Variants in PTTG1 observed in about 807,000 individuals in gnomAD.
PTTG1 encodes the protein securin.
PTTG1 carries 8 observed loss-of-function variants against 20.0 expected under a neutral mutation model. The observed-to-expected ratio is 0.40, with a 90% CI of 0.23 to 0.72. The LOEUF (loss-of-function observed/expected upper bound fraction) is 0.72. PTTG1 is among the 30% of genes least tolerant of loss of function. The pLI is 0.38. For synonymous variants in PTTG1, 79 were observed against 87.2 expected (o/e 0.91, Z 0.52); for missense variants, 197 against 236.0 (o/e 0.83, Z 1.08).
In PTTG1 at chr5:160,422,909, A is replaced by G; in HGVS notation, c.276+16A>G. On this transcript the variant is annotated intron_variant, in intron 3 of 5. Coordinates refer to ENST00000352433, the MANE Select transcript of PTTG1 (RefSeq NM_004219.4). The stretch of plus-strand genomic sequence containing the variant: ...TGCCAAAAAGGTAAGTGTTGGCTAT[A>G]AAGACACTGTTTAAACACTTAAGCA... 4 of 1,613,002 alleles carry G rather than the reference A, an allele frequency of 2.5e-6. No individual in the cohort carries two copies. Among genetic ancestry groups the G allele is most frequent in the Non-Finnish European group, 3.4e-6 (4 of 1,179,162 alleles).
chr5:160,426,395 G>A (rs776871084), intron 4 of PTTG1, among the ~76,000 whole-genome samples: 4 of 152,134 alleles, frequency 2.6e-5, no homozygotes, highest in Middle Eastern at 3.2e-3. Flanking sequence ...ACACAGATAC[G>A]TTTTTAATAG....
At chr5:160,422,444 G>A in intron 2 of PTTG1, 41 bp downstream of exon 2, 1 of 1,547,344 alleles carries the variant, frequency 6.5e-7, no homozygotes, top group Non-Finnish European at 8.9e-7. Flanking sequence ...TGGTATTGTG[G>A]ACGTGGCCTG....
At chr5:160,428,559 C>G in intron 5 of PTTG1, 43 bp from the exon 6 acceptor site, 1 of 1,547,006 alleles carries the variant, frequency 6.5e-7, no homozygotes, top group Non-Finnish European at 8.9e-7. Flanking sequence ...GACAATGACT[C>G]AAGGATTTGC....
intron 2 of PTTG1, 21 bp from the exon 3 acceptor site, chr5:160,422,688 A>G (rs1363540278): frequency 6.2e-7 from 1 of 1,613,192 alleles, no homozygotes; most frequent in Non-Finnish European, 8.5e-7. Flanking sequence ...GAATATTCTT[A>G]TGGTAAGACT....
chr5:160,423,146 C>T (rs1253637496), intron 3 of PTTG1: 14 of 477,412 alleles, frequency 2.9e-5, no homozygotes, highest in African/African-American at 1.8e-4. Context: ...TCACTAGTGT[C>T]GTGAAACTGG....
intron 4 of PTTG1, among the ~76,000 whole-genome samples, chr5:160,425,421 T>C (rs750878384): frequency 4.6e-4 from 70 of 152,358 alleles, no homozygotes; most frequent in South Asian, 2.5e-3. Context: ...CACAATATCC[T>C]GTGTTACAGG....
intron 4 of PTTG1, 21 bp downstream of exon 4, chr5:160,424,351 G>A (rs1765771269): frequency 3.9e-6 from 6 of 1,525,324 alleles, no homozygotes; most frequent in South Asian, 1.1e-5. Context: ...TTGCAATTGC[G>A]AAAAGTGCTT....
At chr5:160,427,348 A>G (rs1032720135) in intron 4 of PTTG1, among the ~76,000 whole-genome samples, 51 of 152,258 alleles carry the variant, frequency 3.3e-4, no homozygotes, top group Admixed American at 1.3e-4. Flanking sequence ...ATTTTATCAC[A>G]CAGAACATTA....
chr5:160,422,821 CAG>C lies in PTTG1; in HGVS notation c.207_208del (p.Arg69SerfsTer26). On this transcript the variant is annotated frameshift_variant, in exon 3 of 6. Coordinates refer to ENST00000352433, the MANE Select transcript of PTTG1 (RefSeq NM_004219.4). LOFTEE classifies it high-confidence loss of function. ...ATRKALGTVN[R>X]ATEKSVKTKG... The stretch of plus-strand genomic sequence containing the variant: ...CTAGAAAGGCTTTGGGAACTGTCAA[CAG>C]AGCTACAGAAAAGTCTGTAAAGACC... 6.2e-7 allele frequency: 1 copy of C among 1,614,174 alleles called. No homozygotes were observed. Among genetic ancestry groups the C allele is most frequent in the Non-Finnish European group, 8.5e-7 (1 of 1,180,028 alleles).
Position 160,422,853 on chromosome 5 carries a change from G to GA in PTTG1, c.237dup (p.Pro80ThrfsTer16), listed in dbSNP as rs1765740913. The GA allele has an allele frequency of 6.2e-7, 1 of 1,613,998 alleles. No individual in the cohort carries two copies. Among genetic ancestry groups the GA allele is most frequent in the Admixed American group, 1.7e-5 (1 of 60,004 alleles). On this transcript the variant is annotated frameshift_variant, in exon 3 of 6. Transcript: ENST00000352433. LOFTEE classifies it high-confidence loss of function. ...ACAGAAAAGTCTGTAAAGACCAAGGGACCCCTCAAACAAAAACAGCCAAGC... is the reference window on the plus strand; with the variant it reads ...ACAGAAAAGTCTGTAAAGACCAAGGGAACCCCTCAAACAAAAACAGCCAAGC...
In PTTG1 at chr5:160,422,218, T is replaced by A. The variant is rs1208340761; in HGVS notation, c.-11-84T>A. ...TAGCTCTTGTTTTTTGTGTGGACAC[T>A]CCTAGGATAGAAAGTTTGGTATGTT... On this transcript the variant is annotated intron_variant, in intron 1 of 5. Coordinates refer to ENST00000352433, the MANE Select transcript of PTTG1 (RefSeq NM_004219.4). 6 of 975,366 alleles carry A rather than the reference T, an allele frequency of 6.2e-6. No individual in the cohort carries two copies. The African/African-American group carries it at 9.6e-5, about 16-fold the overall frequency. 60.4% of individuals were successfully genotyped at this position (975,366 alleles called of 1,614,324 possible).
In PTTG1 at chr5:160,422,865, A is replaced by C. The variant is rs755363440; in HGVS notation, c.248A>C (p.Gln83Pro). The C allele has an allele frequency of 3.7e-6, 6 of 1,614,192 alleles. No individual in the cohort carries two copies. The highest frequency in any genetic ancestry group is 5.1e-6 in the Non-Finnish European group (6 of 1,180,020). The change falls in exon 3 of 6, where the codon CAA (glutamine) becomes CCA (proline). Residue 83 changes from glutamine (Q) to proline (P), a missense_variant. Gln to Pro is a moderately conservative substitution (Grantham distance 76). Transcript: ENST00000352433. ...GTAAAGACCAAGGGACCCCTCAAAC[A>C]AAAACAGCCAAGCTTTTCTGCCAAA... ...KSVKTKGPLKQKQPSFSAKKM... is the reference protein window; with the variant it reads ...KSVKTKGPLKPKQPSFSAKKM...
chr5:160,426,634 C>T (rs1366185638), intron 4 of PTTG1, among the ~76,000 whole-genome samples: 4 of 152,196 alleles, frequency 2.6e-5, no homozygotes, highest in Non-Finnish European at 5.9e-5. Flanking sequence ...TATGTAGATA[C>T]CCACATGTTG....
At chr5:160,427,308 A>G (rs1173566953) in intron 4 of PTTG1, among the ~76,000 whole-genome samples, 3 of 152,212 alleles carry the variant, frequency 2.0e-5, no homozygotes, top group African/African-American at 7.2e-5. Flanking sequence ...ATTTTGGTGT[A>G]CAGTGGAAGT....
chr5:160,426,899 C>T (rs912262148), intron 4 of PTTG1, among the ~76,000 whole-genome samples: 6 of 152,002 alleles, frequency 3.9e-5, no homozygotes, highest in Non-Finnish European at 5.9e-5. Flanking sequence ...AAAAATTATC[C>T]GGGTGTGGTG....
At chr5:160,424,886 G>A (rs536517363) in intron 4 of PTTG1, 1 of 152,404 alleles carries the variant, frequency 6.6e-6, no homozygotes, top group Non-Finnish European at 1.5e-5. Flanking sequence ...TGTTTAACAA[G>A]ATGGGCCCTG....
At chr5:160,428,449 A>G (rs1765849762) in intron 5 of PTTG1, among the ~76,000 whole-genome samples, 153 bp from the exon 6 acceptor site, 1 of 152,226 alleles carries the variant, frequency 6.6e-6, no homozygotes, top group Admixed American at 6.5e-5. Context: ...GGGGCCACAG[A>G]CACATTCCAA....
rs775159971 is a variant in PTTG1 at position 160,428,685 on chromosome 5, T to G, written c.*4T>G. ...TTGCTGTGACATAGATATTTAAATT[T>G]CTTAGTGCTTCAGAGTTTGTGTGTA... is the stretch of plus-strand genomic sequence containing the variant. On this transcript the variant is annotated 3_prime_UTR_variant, in exon 6 of 6. Coordinates refer to ENST00000352433, the MANE Select transcript of PTTG1 (RefSeq NM_004219.4). 4 of 1,606,310 alleles carry G rather than the reference T, an allele frequency of 2.5e-6. No individual in the cohort carries two copies. The South Asian group carries it at 4.4e-5, about 18-fold the overall frequency.
chr5:160,427,697 G>C lies in PTTG1; in HGVS notation c.371-18G>C. On this transcript the variant is annotated intron_variant, in intron 4 of 5. Coordinates refer to ENST00000352433, the MANE Select transcript of PTTG1 (RefSeq NM_004219.4). ...TAAGAACTGCTGCCCTGACAAAAACGCTTTCTCTCTGTAACAGACTTTGAG... is the reference window on the plus strand; with the variant it reads ...TAAGAACTGCTGCCCTGACAAAAACCCTTTCTCTCTGTAACAGACTTTGAG... 6.2e-7 allele frequency: 1 copy of C among 1,611,542 alleles called. No individual in the cohort carries two copies. The highest frequency in any genetic ancestry group is 8.5e-7 in the Non-Finnish European group (1 of 1,178,438).
Sources: gnomAD v4.1 joint callset for allele counts (sites outside exome capture counted in the v4.1 genomes callset) on GRCh38, gnomAD v4.1.1 for gene constraint, MANE v1.5 for transcripts, NCBI Gene and HGNC (gene_info 2026-07-23, HGNC 2026-07-21) for gene names.